Variants in SLC25A24 observed in about 807,000 individuals in gnomAD.
SLC25A24 encodes mitochondrial adenyl nucleotide antiporter SLC25A24.
In SLC25A24, 49 loss-of-function variants were observed where a neutral mutation model predicts 60.7. The ratio of observed to expected loss-of-function variants is 0.81; its 90% CI spans 0.64 to 1.02. The LOEUF is 1.02. Ranked by LOEUF, SLC25A24 falls within the 50% of genes least tolerant of loss-of-function variation. The probability of loss-of-function intolerance (pLI) is 0.00; values close to 1 mark genes in which losing one functional copy is unlikely to be tolerated. For missense variants in SLC25A24, 564 were observed against 586.3 expected (o/e 0.96, Z 0.39); for synonymous variants, 202 against 200.6 (o/e 1.01, Z -0.06).
intron 4 of SLC25A24, among the ~76,000 whole-genome samples, chr1:108,160,143 G>A (rs1489285888): frequency 6.6e-6 from 1 of 151,642 alleles, no homozygotes; most frequent in East Asian, 2.0e-4. Context: ...GGGCGGAGAC[G>A]CTCCTCACTT....
In SLC25A24 at chr1:108,134,188, G is replaced by A. The variant is rs1157087083; in HGVS notation, c.*2465C>T. Reference sequence around the variant, plus strand: ...ACACAGAGCTGCCTTGTGCAGCTGTGGACAGGGACAGGTGTGTGGGCAGGG... The same window carrying A: ...ACACAGAGCTGCCTTGTGCAGCTGTAGACAGGGACAGGTGTGTGGGCAGGG... On this transcript the variant is annotated 3_prime_UTR_variant, in exon 10 of 10. Coordinates refer to ENST00000565488, the MANE Select transcript of SLC25A24 (RefSeq NM_013386.5). The A allele has an allele frequency of 6.6e-6, 1 of 152,220 alleles. No individual in the cohort carries two copies. Among genetic ancestry groups the A allele is most frequent in the African/African-American group, 2.4e-5 (1 of 41,458 alleles). The allele number at this position is 152,220 out of a possible 1,614,324, so 9.4% of individuals were successfully genotyped here. A position where few individuals can be genotyped will look rare whatever the true frequency, so the allele number is the denominator to read the frequency against.
intron 1 of SLC25A24, among the ~76,000 whole-genome samples, chr1:108,187,922 T>TTATA (rs1470627510): frequency 2.7e-4 from 14 of 51,080 alleles, no homozygotes; most frequent in Non-Finnish European, 3.9e-4. Flanking sequence ...GGATAAGACA[T>TTATA]TATAGATATA....
chr1:108,172,065 G>C (rs1162942821), intron 3 of SLC25A24, among the ~76,000 whole-genome samples: 1 of 152,160 alleles, frequency 6.6e-6, no homozygotes, highest in Non-Finnish European at 1.5e-5. Context: ...TCTGGAGAAA[G>C]AAATGTAAAG....
chr1:108,161,915 T>A (rs548734323), intron 3 of SLC25A24, among the ~76,000 whole-genome samples: 145 of 151,214 alleles, frequency 9.6e-4, no homozygotes, highest in African/African-American at 3.3e-3. Context: ...TCATCTAGCA[T>A]TAGGTATATC....
At chr1:108,165,976 T>C (rs568360412) in intron 3 of SLC25A24, among the ~76,000 whole-genome samples, 129 of 152,334 alleles carry the variant, frequency 8.5e-4, no homozygotes, top group African/African-American at 3.1e-3. Flanking sequence ...GGAACTCTTT[T>C]AGGGCAGGCC....
At chr1:108,160,133 G>C (rs547370057) in intron 4 of SLC25A24, among the ~76,000 whole-genome samples, 2 of 151,902 alleles carry the variant, frequency 1.3e-5, no homozygotes, top group Non-Finnish European at 2.9e-5. Flanking sequence ...GGTGGCTGCC[G>C]GGCGGAGACG....
At chr1:108,178,060 G>A (rs1199838371) in intron 3 of SLC25A24, among the ~76,000 whole-genome samples, 2 of 152,164 alleles carry the variant, frequency 1.3e-5, no homozygotes, top group African/African-American at 4.8e-5. Flanking sequence ...CGACTCGGGA[G>A]GCTGAGGCAG....
intron 3 of SLC25A24, among the ~76,000 whole-genome samples, chr1:108,170,616 TA>T (rs1647429267): frequency 1.3e-5 from 2 of 152,048 alleles, no homozygotes; most frequent in African/African-American, 4.8e-5. Flanking sequence ...TCAACCAGCT[TA>T]AAAATTGTAT....
At chr1:108,193,743 A>G (rs1391063172) in intron 1 of SLC25A24, among the ~76,000 whole-genome samples, 3 of 139,630 alleles carry the variant, frequency 2.1e-5, no homozygotes, top group African/African-American at 7.5e-5. Flanking sequence ...TCTTCATCCA[A>G]CCACTACAAT....
chr1:108,157,633 A>T lies in SLC25A24; in HGVS notation c.511-13T>A. 1 of 1,607,918 alleles carries T rather than the reference A, an allele frequency of 6.2e-7. No homozygotes were observed. The highest frequency in any genetic ancestry group is 8.5e-7 in the Non-Finnish European group (1 of 1,175,888). On this transcript the variant is annotated splice_polypyrimidine_tract_variant and intron_variant, in intron 4 of 9. Coordinates refer to ENST00000565488, the MANE Select transcript of SLC25A24 (RefSeq NM_013386.5). ...CTATGTCAATTCCCTGTAAAAATGA[A>T]AAAAAGATCCCCATGCGCCTTAGTT...
chr1:108,200,161 T>C lies in SLC25A24; in HGVS notation c.-23A>G. On this transcript the variant is annotated 5_prime_UTR_variant, in exon 1 of 10. Coordinates refer to ENST00000565488, the MANE Select transcript of SLC25A24 (RefSeq NM_013386.5). ...CATGGTCCCAGAGGCGCAGGCGGCC[T>C]GGCCGAGGAAGTCACGGGAGATCGA... is the stretch of plus-strand genomic sequence containing the variant. 1 of 1,535,966 alleles carries C rather than the reference T, an allele frequency of 6.5e-7. No individual in the cohort carries two copies. The highest frequency in any genetic ancestry group is 1.2e-5 in the South Asian group (1 of 83,650).
At chr1:108,151,013 C>T (rs1382666458) in intron 6 of SLC25A24, among the ~76,000 whole-genome samples, 1 of 89,090 alleles carries the variant, frequency 1.1e-5, no homozygotes, top group Non-Finnish European at 2.4e-5. Context: ...CCAGCCTGGC[C>T]AATACGGTGA....
chr1:108,157,324 C>G (rs1379433763), intron 5 of SLC25A24, 138 bp downstream of exon 5: 2 of 915,106 alleles, frequency 2.2e-6, no homozygotes, highest in African/African-American at 3.3e-5. Context: ...TTAGAGTTAA[C>G]AGCAACAAAA....
chr1:108,144,274 C>T (rs1679524714), intron 7 of SLC25A24, among the ~76,000 whole-genome samples: 1 of 152,082 alleles, frequency 6.6e-6, no homozygotes, highest in Admixed American at 6.6e-5. Context: ...AACCCCTCTG[C>T]TATATCAATA....
At chr1:108,183,374 T>C (rs1227317320) in intron 2 of SLC25A24, among the ~76,000 whole-genome samples, 5 of 152,234 alleles carry the variant, frequency 3.3e-5, no homozygotes, top group Non-Finnish European at 5.9e-5. Context: ...TAAAGAGATA[T>C]GGTTAATTCT....
At chr1:108,152,957 CTG>C (rs1679796203) in intron 6 of SLC25A24, among the ~76,000 whole-genome samples, 1 of 152,154 alleles carries the variant, frequency 6.6e-6, no homozygotes, top group South Asian at 2.1e-4. Context: ...GGGTGTCTGT[CTG>C]TGTTGCTGGA....
chr1:108,181,495 A>G (rs1214610019), intron 3 of SLC25A24, among the ~76,000 whole-genome samples: 5 of 152,184 alleles, frequency 3.3e-5, no homozygotes, highest in African/African-American at 1.2e-4. Context: ...TGTTTTCTGA[A>G]AGTTTAAACA....
At chr1:108,192,634 C>A in intron 1 of SLC25A24, 1 of 1,492,610 alleles carries the variant, frequency 6.7e-7, no homozygotes, top group South Asian at 1.3e-5. Flanking sequence ...AGGATGTCTC[C>A]CTCGCAGCTC....
intron 4 of SLC25A24, among the ~76,000 whole-genome samples, chr1:108,159,170 T>C (rs1023407243): frequency 6.6e-6 from 1 of 152,198 alleles, no homozygotes; most frequent in Non-Finnish European, 1.5e-5. Context: ...GAAAACAAAC[T>C]GGTATGAAAT....
Sources: allele counts gnomAD v4.1 joint callset (sites outside exome capture counted in the v4.1 genomes callset), GRCh38; gene constraint gnomAD v4.1.1; transcripts MANE v1.5; gene names NCBI Gene and HGNC (gene_info 2026-07-23, HGNC 2026-07-21).